Variants in SRRM3 observed in about 807,000 individuals in gnomAD.
SRRM3 encodes the protein serine/arginine repetitive matrix 3, also known as serine/arginine repetitive matrix protein 3.
In SRRM3, 27 loss-of-function variants were observed where a neutral mutation model predicts 66.2. The ratio of observed to expected loss-of-function variants is 0.41; its 90% CI spans 0.30 to 0.56. The LOEUF (loss-of-function observed/expected upper bound fraction) is 0.56. SRRM3 is among the 20% of genes least tolerant of loss of function. The pLI is 0.32. For missense variants in SRRM3, 918 were observed against 991.9 expected, an observed-to-expected ratio of 0.93 and a Z score of 1.00; for synonymous variants, 391 against 414.9, an observed-to-expected ratio of 0.94 and a Z score of 0.70.
At position 76,285,905 on chromosome 7, in the gene SRRM3, G is replaced by A; in HGVS notation, c.*62G>A. ...GGGAGAGGCGAGGGGCGGGCCCCAGGACCCCAGTGGGGAGGGGGCTATATC... is the reference window on the plus strand; with the variant it reads ...GGGAGAGGCGAGGGGCGGGCCCCAGAACCCCAGTGGGGAGGGGGCTATATC... On this transcript the variant is annotated 3_prime_UTR_variant, in exon 15 of 15. Transcript: ENST00000611745. The surrounding 1 kb of genome is among the most constrained non-coding windows in gnomAD (Gnocchi z 4.1). The A allele has an allele frequency of 6.8e-7, 1 of 1,479,800 alleles. No individual in the cohort carries two copies. The highest frequency in any genetic ancestry group is 9.1e-7 in the Non-Finnish European group (1 of 1,102,902). The allele number at this position is 1,479,800 out of a possible 1,614,324, so 91.7% of individuals were successfully genotyped here. A position where few individuals can be genotyped will look rare whatever the true frequency, so the allele number is the denominator to read the frequency against.
intron 11 of SRRM3, 118 bp downstream of exon 11, chr7:76,267,553 G>GAA: frequency 1.6e-6 from 1 of 638,166 alleles, no homozygotes; most frequent in African/African-American, 1.9e-5. Context: ...GGGCGGGGGC[G>GAA]GCCGCTTCCT....
intron 10 of SRRM3, among the ~76,000 whole-genome samples, chr7:76,265,823 AATATTT>A (rs1304345557): frequency 4.6e-5 from 3 of 65,546 alleles, no homozygotes; most frequent in Non-Finnish European, 6.9e-5. Context: ...ATATTTAATA[AATATTT>A]ATATATATAT....
At chr7:76,204,850 A>T (rs1475613693) in intron 1 of SRRM3, among the ~76,000 whole-genome samples, 3 of 152,128 alleles carry the variant, frequency 2.0e-5, no homozygotes, top group African/African-American at 7.2e-5. Context: ...AGGCAGGAGG[A>T]TCCCTTGAGG....
At chr7:76,228,420 G>A (rs781844121) in intron 1 of SRRM3, among the ~76,000 whole-genome samples, 29 of 152,038 alleles carry the variant, frequency 1.9e-4, no homozygotes, top group Non-Finnish European at 4.1e-4. Context: ...AAACTCTGGG[G>A]GCGAAGTCAA....
chr7:76,285,353 C>G lies in SRRM3; in HGVS notation c.1734-262C>G. On this transcript the variant is annotated intron_variant, in intron 14 of 14. Transcript: ENST00000611745. The surrounding 1 kb of genome is among the most constrained non-coding windows in gnomAD (Gnocchi z 4.1). ...TGCTGGGATTACAGGCGTGAGCCAC[C>G]GCGCCCAGCCTCAACAAGTATTTAT... 2.0e-6 allele frequency: 1 copy of G among 490,190 alleles called. No individual in the cohort carries two copies. The highest frequency in any genetic ancestry group is 3.8e-5 in the East Asian group (1 of 26,450). The allele number at this position is 490,190 out of a possible 1,614,324, so 30.4% of individuals were successfully genotyped here. A position where few individuals can be genotyped will look rare whatever the true frequency, so the allele number is the denominator to read the frequency against.
intron 8 of SRRM3, 21 bp downstream of exon 8, chr7:76,261,602 G>C: frequency 6.2e-7 from 1 of 1,607,896 alleles, no homozygotes; most frequent in Non-Finnish European, 8.5e-7. Flanking sequence ...CTTTGCAGAG[G>C]ACATGGTCAG....
intron 8 of SRRM3, among the ~76,000 whole-genome samples, chr7:76,262,887 G>A (rs1364644655): frequency 2.0e-5 from 3 of 151,888 alleles, no homozygotes; most frequent in Non-Finnish European, 1.5e-5. Flanking sequence ...GGAGAGGAGA[G>A]GAGAGCTCGG....
At chr7:76,230,772 A>T (rs1800994544) in intron 1 of SRRM3, among the ~76,000 whole-genome samples, 1 of 150,216 alleles carries the variant, frequency 6.7e-6, no homozygotes, top group African/African-American at 2.5e-5. Context: ...TTTTTTCAAG[A>T]CAGAGTCTCA....
intron 1 of SRRM3, among the ~76,000 whole-genome samples, chr7:76,207,183 TC>T (rs1800321924): frequency 6.6e-6 from 1 of 152,164 alleles, no homozygotes; most frequent in African/African-American, 2.4e-5. Context: ...GTGCCTGTAG[TC>T]CCAGCTACTT....
chr7:76,262,534 AAC>A (rs1421449456), intron 8 of SRRM3, among the ~76,000 whole-genome samples: 1 of 151,196 alleles, frequency 6.6e-6, no homozygotes, highest in East Asian at 1.9e-4. Context: ...AAAAAAAAAA[AAC>A]AAAGTCTGGG....
chr7:76,252,255 G>A (rs1194174027), intron 3 of SRRM3, among the ~76,000 whole-genome samples: 3 of 152,156 alleles, frequency 2.0e-5, no homozygotes, highest in Admixed American at 6.6e-5. Context: ...GTCAGCCAGC[G>A]CATTCAAGGG....
At chr7:76,247,464 G>C (rs1256372229) in intron 2 of SRRM3, among the ~76,000 whole-genome samples, 1 of 152,082 alleles carries the variant, frequency 6.6e-6, no homozygotes, top group Admixed American at 6.6e-5. Context: ...AAAAGGCTGT[G>C]TATGTTTCAA....
At chr7:76,209,841 A>G (rs1800386381) in intron 1 of SRRM3, among the ~76,000 whole-genome samples, 1 of 152,162 alleles carries the variant, frequency 6.6e-6, no homozygotes, top group Non-Finnish European at 1.5e-5. Flanking sequence ...CCTGGCCTCA[A>G]GCAATCCTCC....
chr7:76,279,133 C>A (rs1802434946), intron 11 of SRRM3, among the ~76,000 whole-genome samples: 2 of 152,060 alleles, frequency 1.3e-5, no homozygotes, highest in Non-Finnish European at 2.9e-5. Context: ...GTGACAGACG[C>A]CTGTAGTTCC....
At position 76,205,004 on chromosome 7, in the gene SRRM3, CTCTTGATCCCCT is replaced by C. The variant is rs202014446; in HGVS notation, c.-40+2938_-40+2949del. ...CCTCCTGCCCCTCAGTGAGTTCCCCCTCTTGATCCCCTCTCTCCTCATTGAACCCTCCCCCAT... is the reference window on the plus strand; with the variant it reads ...CCTCCTGCCCCTCAGTGAGTTCCCCCCTCTCCTCATTGAACCCTCCCCCAT... On this transcript the variant is annotated intron_variant, in intron 1 of 14. Transcript: ENST00000611745. Among the ~76,000 whole-genome samples the C allele has an allele frequency of 9.0e-3, 1,372 of 152,202 alleles. 14 individuals are homozygous for C. Among genetic ancestry groups the C allele is most frequent in the African/African-American group, 0.031 (1,291 of 41,516 alleles).
chr7:76,210,166 C>T (rs1463846732), intron 1 of SRRM3, among the ~76,000 whole-genome samples: 1 of 152,202 alleles, frequency 6.6e-6, no homozygotes. Context: ...CTGCCCCCTA[C>T]ACCAATCTCC....
In SRRM3 at chr7:76,243,815, G is replaced by A. The variant is rs551698399; in HGVS notation, c.234-4373G>A. Among the ~76,000 whole-genome samples the A allele has an allele frequency of 1.7e-3, 266 of 152,358 alleles. 2 individuals are homozygous for A. Among genetic ancestry groups the A allele is most frequent in the Middle Eastern group, 0.014 (4 of 294 alleles). On this transcript the variant is annotated intron_variant, in intron 2 of 14. Transcript: ENST00000611745. The stretch of plus-strand genomic sequence containing the variant: ...TAAGCAGTGTTGGAGGGCCTGTGCT[G>A]TGTTTGTCTCTGTGCTGGTGACAGT...
intron 3 of SRRM3, among the ~76,000 whole-genome samples, chr7:76,249,453 C>T (rs550372725): frequency 6.6e-6 from 1 of 152,120 alleles, no homozygotes; most frequent in South Asian, 2.1e-4. Flanking sequence ...GGAGGCACAC[C>T]GGTTTGCCGT....
chr7:76,210,106 C>T (rs1264863795), intron 1 of SRRM3, among the ~76,000 whole-genome samples: 1 of 152,144 alleles, frequency 6.6e-6, no homozygotes, highest in Non-Finnish European at 1.5e-5. Context: ...GATGGTACCA[C>T]TGAAAGGGGG....
Sources: allele counts gnomAD v4.1 joint callset (sites outside exome capture counted in the v4.1 genomes callset), GRCh38; gene constraint gnomAD v4.1.1; non-coding constraint Gnocchi (gnomAD v3.1); transcripts MANE v1.5; gene names NCBI Gene and HGNC (gene_info 2026-07-23, HGNC 2026-07-21).